DLGAP2: variants seen among roughly 807,000 people sequenced by gnomAD.
The protein encoded by DLGAP2 is disks large-associated protein 2.
DLGAP2 carries 26 observed loss-of-function variants against 100.3 expected under a neutral mutation model. The observed-to-expected ratio is 0.26, with a 90% CI of 0.19 to 0.36. The LOEUF is 0.36. Ranked by LOEUF, DLGAP2 falls within the 10% of genes least tolerant of loss-of-function variation. The pLI is 1.00. For missense variants in DLGAP2, 1,858 were observed against 1,453.2 expected, an observed-to-expected ratio of 1.28 and a Z score of -4.53; for synonymous variants, 886 against 630.1, an observed-to-expected ratio of 1.41 and a Z score of -6.08.
Position 1,565,757 on chromosome 8 carries a change from T to C in DLGAP2, c.1305T>C (p.Ser435=), listed in dbSNP as rs1260872929. 5.6e-6 allele frequency: 9 copies of C among 1,613,630 alleles called. No homozygotes were observed. The highest frequency in any genetic ancestry group is 2.2e-5 in the East Asian group (1 of 44,854). ...AGATTCCCTGCAGGAGAATGAGAAG[T>C]GGGAGTTACATTAAAGCCATGGGGG... ...DEEIPCRRMR[S]GSYIKAMGDE... Residue 435 remains serine, a synonymous_variant, in exon 6 of 15, where the codon AGT becomes AGC. Transcript: ENST00000637795.
At chr8:1,130,548 G>C (rs1412374930) in intron 2 of DLGAP2, among the ~76,000 whole-genome samples, 2 of 152,214 alleles carry the variant, frequency 1.3e-5, no homozygotes, top group African/African-American at 2.4e-5. Context: ...GATAAAAGCA[G>C]ATGCCGCGTT....
At chr8:751,469 A>G (rs1442851869) in intron 1 of DLGAP2, among the ~76,000 whole-genome samples, 1 of 152,236 alleles carries the variant, frequency 6.6e-6, no homozygotes, top group Non-Finnish European at 1.5e-5. Context: ...ACCAGGCCTC[A>G]TATTTTTTTC....
At chr8:740,689 T>G (rs1436199194) in intron 1 of DLGAP2, among the ~76,000 whole-genome samples, 2 of 152,254 alleles carry the variant, frequency 1.3e-5, no homozygotes. Context: ...TTTTGTTTTA[T>G]TTTGAAGATA....
intron 1 of DLGAP2, among the ~76,000 whole-genome samples, chr8:848,844 A>C (rs982433626): frequency 8.4e-6 from 1 of 118,390 alleles, no homozygotes; most frequent in East Asian, 2.8e-4. Flanking sequence ...GGATCTTGTG[A>C]TGTGTGTTCC....
chr8:1,025,564 C>A (rs575873749), intron 2 of DLGAP2, among the ~76,000 whole-genome samples: 1 of 152,118 alleles, frequency 6.6e-6, no homozygotes, highest in African/African-American at 2.4e-5. Context: ...ATCGATATGG[C>A]GGAGAGCAGC....
intron 3 of DLGAP2, among the ~76,000 whole-genome samples, chr8:1,333,985 G>T (rs924467478): frequency 6.6e-6 from 1 of 152,244 alleles, no homozygotes; most frequent in Non-Finnish European, 1.5e-5. Context: ...CACGTGCTCC[G>T]CAACTGAGGG....
At chr8:942,526 C>T (rs1045407499) in intron 2 of DLGAP2, among the ~76,000 whole-genome samples, 21 of 152,262 alleles carry the variant, frequency 1.4e-4, no homozygotes, top group South Asian at 1.0e-3. Flanking sequence ...CTTGGACTAT[C>T]ATTTCTAAAC....
At chr8:1,046,858 C>T (rs1156755366) in intron 2 of DLGAP2, among the ~76,000 whole-genome samples, 1 of 151,888 alleles carries the variant, frequency 6.6e-6, no homozygotes, top group African/African-American at 2.4e-5. Context: ...TCTGCCTAGC[C>T]ATCTGGGGTC....
intron 3 of DLGAP2, among the ~76,000 whole-genome samples, chr8:1,462,986 C>T (rs190111771): frequency 6.6e-5 from 10 of 152,266 alleles, no homozygotes; most frequent in East Asian, 1.9e-4. Flanking sequence ...TAGTGGCTCA[C>T]GCCTGTAATC....
At position 1,682,330 on chromosome 8, in the gene DLGAP2, T is replaced by A. The variant is rs543195474; in HGVS notation, c.2704+3701T>A. Among the ~76,000 whole-genome samples, 56 of 152,334 alleles carry A rather than the reference T, an allele frequency of 3.7e-4. No individual in the cohort carries two copies. The South Asian group carries it at 0.011, about 31-fold the overall frequency. On this transcript the variant is annotated intron_variant, in intron 12 of 14. Coordinates refer to ENST00000637795, the MANE Select transcript of DLGAP2 (RefSeq NM_001346810.2). ...ACAAAGGGCTTTAGTGCTGAGGCCCTGTCATGGTAAGTCCTGGTTTTCTGT... is the reference window on the plus strand; with the variant it reads ...ACAAAGGGCTTTAGTGCTGAGGCCCAGTCATGGTAAGTCCTGGTTTTCTGT...
chr8:1,669,411 G>C (rs1021624711), intron 9 of DLGAP2, among the ~76,000 whole-genome samples: 1 of 152,230 alleles, frequency 6.6e-6, no homozygotes, highest in Non-Finnish European at 1.5e-5. Flanking sequence ...GGGAGGCCGG[G>C]AGATTGTCCT....
intron 10 of DLGAP2, among the ~76,000 whole-genome samples, chr8:1,672,834 C>G (rs992137779): frequency 2.6e-5 from 4 of 152,230 alleles, no homozygotes; most frequent in Middle Eastern, 3.2e-3. Context: ...GCATCAGATT[C>G]AGGGCACCTG....
chr8:1,186,634 G>A (rs1375283103), intron 2 of DLGAP2, among the ~76,000 whole-genome samples: 2 of 152,094 alleles, frequency 1.3e-5, no homozygotes, highest in Non-Finnish European at 2.9e-5. Flanking sequence ...CCACTCCGTT[G>A]TGAGTATCTG....
intron 2 of DLGAP2, among the ~76,000 whole-genome samples, chr8:1,243,938 T>C (rs2116864898): frequency 6.6e-6 from 1 of 152,330 alleles, no homozygotes; most frequent in East Asian, 1.9e-4. Context: ...CTGCTGTGTG[T>C]CCTCATCTAC....
At chr8:1,179,438 C>A (rs543808258) in intron 2 of DLGAP2, among the ~76,000 whole-genome samples, 1 of 131,366 alleles carries the variant, frequency 7.6e-6, no homozygotes, top group East Asian at 1.9e-4. Flanking sequence ...AGGCTCAGCT[C>A]CCTGCTGTCC....
intron 2 of DLGAP2, among the ~76,000 whole-genome samples, chr8:984,290 C>G (rs1175058924): frequency 6.6e-6 from 1 of 152,180 alleles, no homozygotes; most frequent in Non-Finnish European, 1.5e-5. Flanking sequence ...TGGTCAAAAT[C>G]TCTCTCAAGG....
At chr8:769,444 A>G (rs1821300864) in intron 1 of DLGAP2, among the ~76,000 whole-genome samples, 1 of 152,148 alleles carries the variant, frequency 6.6e-6, no homozygotes. Context: ...GAATACAGGA[A>G]AAAGGGACAA....
chr8:1,456,412 A>G (rs1482814648), intron 3 of DLGAP2, among the ~76,000 whole-genome samples: 1 of 152,174 alleles, frequency 6.6e-6, no homozygotes, highest in African/African-American at 2.4e-5. Flanking sequence ...AGCATTTTCA[A>G]GGCAATCACA....
intron 2 of DLGAP2, among the ~76,000 whole-genome samples, chr8:1,107,576 G>C (rs941290279): frequency 6.6e-6 from 1 of 152,202 alleles, no homozygotes; most frequent in Non-Finnish European, 1.5e-5. Context: ...TTCCAGGGTG[G>C]AAACACGGAG....
Sources: allele counts gnomAD v4.1 joint callset (sites outside exome capture counted in the v4.1 genomes callset), GRCh38; gene constraint gnomAD v4.1.1; transcripts MANE v1.5; gene names NCBI Gene and HGNC (gene_info 2026-07-23, HGNC 2026-07-21).